GCLC: variants seen among roughly 807,000 people sequenced by gnomAD.
GCLC encodes the protein glutamate-cysteine ligase catalytic subunit.
Under a neutral mutation model 81.5 loss-of-function variants are expected in GCLC, and 30 were observed. The observed-to-expected ratio is 0.37, with a 90% CI of 0.28 to 0.50. GCLC has a LOEUF of 0.50. GCLC is among the 20% of genes least tolerant of loss of function. The pLI is 0.96. For synonymous variants in GCLC, 262 were observed against 273.3 expected, an observed-to-expected ratio of 0.96 and a Z score of 0.41; for missense variants, 556 against 777.4, an observed-to-expected ratio of 0.72 and a Z score of 3.39.
At chr6:53,519,427 C>A (rs1452182636) in intron 3 of GCLC, among the ~76,000 whole-genome samples, 2 of 151,790 alleles carry the variant, frequency 1.3e-5, no homozygotes, top group African/African-American at 4.8e-5. Flanking sequence ...CCCCCTCCCC[C>A]TCCACCCACC....
intron 1 of GCLC, among the ~76,000 whole-genome samples, chr6:53,528,913 C>T (rs1044793431): frequency 6.6e-6 from 1 of 152,114 alleles, no homozygotes; most frequent in African/African-American, 2.4e-5. Context: ...AATTTCAAGA[C>T]TTTAATAAAA....
chr6:53,525,178 T>C (rs2127626486), intron 1 of GCLC, among the ~76,000 whole-genome samples: 1 of 152,364 alleles, frequency 6.6e-6, no homozygotes, highest in South Asian at 2.1e-4. Context: ...GAAGTGCTCC[T>C]TCTCTGCAGT....
intron 7 of GCLC, 127 bp from the exon 8 acceptor site, chr6:53,508,838 G>A (rs377615735): frequency 6.9e-6 from 5 of 729,526 alleles, no homozygotes; most frequent in Non-Finnish European, 9.9e-6. Flanking sequence ...ACATGTACCT[G>A]TGCCTATCTT....
chr6:53,516,059 T>A (rs1296552935), intron 4 of GCLC, 50 bp downstream of exon 4: 9 of 1,034,476 alleles, frequency 8.7e-6, no homozygotes, highest in Non-Finnish European at 1.4e-5. Flanking sequence ...CTCTCAGAAG[T>A]CAGGGGTCTA....
intron 6 of GCLC, chr6:53,513,055 T>C (rs980968251): frequency 2.6e-5 from 4 of 152,216 alleles, no homozygotes; most frequent in Non-Finnish European, 5.9e-5. Flanking sequence ...CCTATAAATG[T>C]CAAGAAAACA....
chr6:53,512,944 T>C (rs985011855), intron 6 of GCLC: 4 of 152,210 alleles, frequency 2.6e-5, no homozygotes, highest in African/African-American at 7.2e-5. Flanking sequence ...TTAGAAATAC[T>C]TGTAATTAAG....
At chr6:53,519,233 C>T (rs1261791563) in intron 3 of GCLC, among the ~76,000 whole-genome samples, 1 of 152,194 alleles carries the variant, frequency 6.6e-6, no homozygotes, top group Admixed American at 6.5e-5. Flanking sequence ...CTTCCCTTTA[C>T]CCCATACCTG....
intron 4 of GCLC, among the ~76,000 whole-genome samples, chr6:53,514,895 A>G (rs2127623137): frequency 6.6e-6 from 1 of 152,314 alleles, no homozygotes; most frequent in Non-Finnish European, 1.5e-5. Flanking sequence ...TGGAGCCCCA[A>G]TACCTTGCTC....
chr6:53,532,431 T>C lies in GCLC; in HGVS notation c.151-9904A>G, dbSNP rs140171898. Reference sequence around the variant, plus strand: ...TTCCAGGAATAAAGTTTTTGTTTACTTCCCAGTTCTTGCTCTATTTGAGTA... The same window carrying C: ...TTCCAGGAATAAAGTTTTTGTTTACCTCCCAGTTCTTGCTCTATTTGAGTA... On this transcript the variant is annotated intron_variant, in intron 1 of 15. Transcript: ENST00000650454. Among the ~76,000 whole-genome samples the C allele has an allele frequency of 2.0e-5, 3 of 152,384 alleles. No homozygotes were observed. The East Asian group carries it at 5.8e-4, about 29-fold the overall frequency.
intron 1 of GCLC, among the ~76,000 whole-genome samples, chr6:53,537,286 G>C (rs576123995): frequency 1.3e-5 from 2 of 152,300 alleles, no homozygotes; most frequent in African/African-American, 2.4e-5. Context: ...GGTGGGTAGG[G>C]GTTAACGGAC....
At chr6:53,516,834 A>T (rs1289996821) in intron 3 of GCLC, among the ~76,000 whole-genome samples, 1 of 152,172 alleles carries the variant, frequency 6.6e-6, no homozygotes, top group Non-Finnish European at 1.5e-5. Context: ...TACTTGACTT[A>T]AGGAGCTCTA....
intron 1 of GCLC, among the ~76,000 whole-genome samples, chr6:53,536,136 A>G (rs1214430426): frequency 1.3e-5 from 2 of 152,356 alleles, no homozygotes; most frequent in East Asian, 3.9e-4. Context: ...AACAACATGG[A>G]TGGATCTCAA....
intron 1 of GCLC, among the ~76,000 whole-genome samples, chr6:53,536,633 T>TA (rs1202743101): frequency 1.3e-5 from 2 of 152,218 alleles, no homozygotes; most frequent in East Asian, 3.8e-4. Flanking sequence ...GCCTTGACAG[T>TA]ATGTAAAAAT....
At chr6:53,542,691 T>C (rs6458941) in intron 1 of GCLC, among the ~76,000 whole-genome samples, 49,815 of 151,982 alleles carry the variant, frequency 0.33, 9,422 homozygotes, top group African/African-American at 0.52. Context: ...TTGAACTGCC[T>C]GTCTTTGTAG....
intron 1 of GCLC, among the ~76,000 whole-genome samples, chr6:53,528,121 C>T (rs1483939964): frequency 6.6e-6 from 1 of 152,174 alleles, no homozygotes; most frequent in East Asian, 1.9e-4. Context: ...GAGGTGTTAG[C>T]CATAGTGATG....
At chr6:53,500,013 T>C in intron 15 of GCLC, 32 bp downstream of exon 15, 2 of 1,472,926 alleles carry the variant, frequency 1.4e-6, no homozygotes, top group African/African-American at 1.4e-5. Context: ...ATGCTGTCTA[T>C]ATTATGAGAT....
At chr6:53,507,728 TAGTG>T (rs1347791069) in intron 8 of GCLC, 110 bp from the exon 9 acceptor site, 3 of 478,212 alleles carry the variant, frequency 6.3e-6, no homozygotes, top group Non-Finnish European at 1.1e-5. Context: ...GAAAAAAAGT[TAGTG>T]AGCCCTAAAA....
intron 4 of GCLC, among the ~76,000 whole-genome samples, chr6:53,515,677 T>TTA (rs1186860084): frequency 6.6e-6 from 1 of 152,084 alleles, no homozygotes; most frequent in Non-Finnish European, 1.5e-5. Flanking sequence ...AGAGTGCCTA[T>TTA]TATATATATC....
intron 9 of GCLC, 80 bp from the exon 10 acceptor site, chr6:53,507,105 G>T: frequency 1.2e-6 from 1 of 827,106 alleles, no homozygotes; most frequent in Non-Finnish European, 2.1e-6. Context: ...CGACAGGATA[G>T]CTCAGGAAGT....
Sources: allele counts gnomAD v4.1 joint callset (sites outside exome capture counted in the v4.1 genomes callset), GRCh38; gene constraint gnomAD v4.1.1; transcripts MANE v1.5; gene names NCBI Gene and HGNC (gene_info 2026-07-23, HGNC 2026-07-21).